The following GFOD1 variants were observed in gnomAD, a reference collection of about 807,000 sequenced individuals.
The protein encoded by GFOD1 is Gfo/Idh/MocA-like oxidoreductase domain containing 1.
GFOD1 carries 9 observed loss-of-function variants against 25.4 expected under a neutral mutation model. That is an observed-to-expected ratio of 0.35 (90% CI 0.21 to 0.62). GFOD1 has a LOEUF of 0.62. Ranked by LOEUF, GFOD1 falls within the 20% of genes least tolerant of loss-of-function variation. GFOD1 has a pLI of 0.72. For missense variants in GFOD1, 403 were observed against 556.9 expected (o/e 0.72, Z 2.78); for synonymous variants, 253 against 245.6 (o/e 1.03, Z -0.28).
intron 1 of GFOD1, among the ~76,000 whole-genome samples, chr6:13,367,528 A>G (rs754727150): frequency 3.9e-5 from 6 of 152,320 alleles, no homozygotes; most frequent in Middle Eastern, 3.4e-3. Flanking sequence ...GTCAGGCCAA[A>G]TAAGATTTAG....
chr6:13,482,463 C>A (rs1048628579), intron 1 of GFOD1, among the ~76,000 whole-genome samples: 1 of 152,086 alleles, frequency 6.6e-6, no homozygotes. Flanking sequence ...AATTCCCACA[C>A]AGGCCAGGCG....
chr6:13,443,477 G>A (rs1174608364), intron 1 of GFOD1, among the ~76,000 whole-genome samples: 1 of 22,116 alleles, frequency 4.5e-5, no homozygotes, highest in African/African-American at 5.2e-5. Context: ...TTCCTTGAAA[G>A]GAAATCAATC....
At chr6:13,396,045 G>A (rs1419892390) in intron 1 of GFOD1, among the ~76,000 whole-genome samples, 9 of 152,208 alleles carry the variant, frequency 5.9e-5, no homozygotes, top group Non-Finnish European at 2.9e-5. Context: ...GAATTTGGAG[G>A]CCTGGGGAAC....
At chr6:13,411,114 G>A (rs1341840225) in intron 1 of GFOD1, among the ~76,000 whole-genome samples, 1 of 152,154 alleles carries the variant, frequency 6.6e-6, no homozygotes, top group African/African-American at 2.4e-5. Flanking sequence ...ACTGTCAGCA[G>A]GAATGGTGAA....
intron 1 of GFOD1, among the ~76,000 whole-genome samples, chr6:13,394,610 G>T (rs922161942): frequency 1.3e-5 from 2 of 149,630 alleles, no homozygotes; most frequent in East Asian, 3.9e-4. Flanking sequence ...AAGTAACTGG[G>T]ACTACAGGTG....
rs1193504481 is a variant in GFOD1 at position 13,363,127 on chromosome 6, T to C, written c.*1616A>G. The C allele has an allele frequency of 6.6e-6, 1 of 152,248 alleles. No homozygotes were observed. The highest frequency in any genetic ancestry group is 2.4e-5 in the African/African-American group (1 of 41,474). 9.4% of individuals were successfully genotyped at this position (152,248 alleles called of 1,614,324 possible). ...TAATTCCCTGTTCTCTGAATGCACT[T>C]GATTGGCTCTTTCTTTCAAGACCAG... On this transcript the variant is annotated 3_prime_UTR_variant, in exon 2 of 2. Coordinates refer to ENST00000379287, the MANE Select transcript of GFOD1 (RefSeq NM_018988.4).
chr6:13,427,897 T>G (rs1459170413), intron 1 of GFOD1, among the ~76,000 whole-genome samples: 3 of 152,118 alleles, frequency 2.0e-5, no homozygotes, highest in African/African-American at 7.2e-5. Context: ...CTCGTGACAT[T>G]GTGGCCACCA....
chr6:13,394,528 GC>G, intron 1 of GFOD1, among the ~76,000 whole-genome samples: 1 of 136,798 alleles, frequency 7.3e-6, no homozygotes, highest in East Asian at 2.2e-4. Context: ...AGGCTGGAGT[GC>G]AGTGAGGTGA....
chr6:13,382,350 G>GGA (rs1257524520), intron 1 of GFOD1, among the ~76,000 whole-genome samples: 1 of 149,990 alleles, frequency 6.7e-6, no homozygotes, highest in Non-Finnish European at 1.5e-5. Context: ...TGAATCATGG[G>GGA]GGGGGGGGTT....
intron 1 of GFOD1, among the ~76,000 whole-genome samples, chr6:13,463,587 A>G (rs982788873): frequency 6.6e-6 from 1 of 152,188 alleles, no homozygotes; most frequent in Non-Finnish European, 1.5e-5. Context: ...CCGTCCATTA[A>G]GCATGGTGAA....
At chr6:13,378,069 T>G (rs1785289069) in intron 1 of GFOD1, among the ~76,000 whole-genome samples, 1 of 152,162 alleles carries the variant, frequency 6.6e-6, no homozygotes, top group African/African-American at 2.4e-5. Flanking sequence ...TAAAATTGTA[T>G]GTATCCACTT....
chr6:13,391,915 T>C (rs531039029), intron 1 of GFOD1, among the ~76,000 whole-genome samples: 9 of 152,358 alleles, frequency 5.9e-5, no homozygotes, highest in African/African-American at 1.9e-4. Context: ...TGGGTTATTC[T>C]TTAAAACAGT....
At chr6:13,474,882 T>C (rs1420336723) in intron 1 of GFOD1, among the ~76,000 whole-genome samples, 1 of 152,194 alleles carries the variant, frequency 6.6e-6, no homozygotes, top group African/African-American at 2.4e-5. Context: ...CCTCACCTGG[T>C]AGTCTTTCTC....
intron 1 of GFOD1, among the ~76,000 whole-genome samples, chr6:13,413,795 C>A (rs530721009): frequency 6.6e-6 from 1 of 152,168 alleles, no homozygotes; most frequent in Non-Finnish European, 1.5e-5. Flanking sequence ...CAGATAAGAC[C>A]CCAAGGCTCT....
chr6:13,379,851 T>G (rs1785324512), intron 1 of GFOD1, among the ~76,000 whole-genome samples: 1 of 152,144 alleles, frequency 6.6e-6, no homozygotes, highest in African/African-American at 2.4e-5. Flanking sequence ...CAAGATCTAG[T>G]GTGATTTGTC....
At chr6:13,386,718 C>A (rs939083282) in intron 1 of GFOD1, among the ~76,000 whole-genome samples, 17 of 152,034 alleles carry the variant, frequency 1.1e-4, no homozygotes, top group African/African-American at 4.1e-4. Flanking sequence ...CAGGTGTAGA[C>A]TTCATGTGCA....
chr6:13,381,078 C>T (rs1038249621), intron 1 of GFOD1, among the ~76,000 whole-genome samples: 2 of 152,196 alleles, frequency 1.3e-5, no homozygotes, highest in Non-Finnish European at 1.5e-5. Flanking sequence ...CTATCCAAGG[C>T]TGAAAGGCTG....
intron 1 of GFOD1, among the ~76,000 whole-genome samples, chr6:13,434,144 A>T (rs573146996): frequency 6.6e-6 from 1 of 152,370 alleles, no homozygotes; most frequent in South Asian, 2.1e-4. Context: ...GCAAGGCATT[A>T]GGGGAATATA....
At chr6:13,368,650 T>C (rs1295162293) in intron 1 of GFOD1, among the ~76,000 whole-genome samples, 1 of 152,210 alleles carries the variant, frequency 6.6e-6, no homozygotes, top group Non-Finnish European at 1.5e-5. Flanking sequence ...TGCCATCTGC[T>C]TAGTATACGC....
Sources: allele counts gnomAD v4.1 joint callset (sites outside exome capture counted in the v4.1 genomes callset), GRCh38; gene constraint gnomAD v4.1.1; transcripts MANE v1.5; gene names NCBI Gene and HGNC (gene_info 2026-07-23, HGNC 2026-07-21).